The following CACNA1D variants were observed in gnomAD, a reference collection of about 807,000 sequenced individuals.
CACNA1D encodes the protein voltage-dependent L-type calcium channel subunit alpha-1D.
A neutral mutation model predicts 257.1 loss-of-function variants in CACNA1D; 55 were observed. The observed-to-expected ratio is 0.21, with a 90% CI of 0.17 to 0.27. CACNA1D has a LOEUF of 0.27. CACNA1D is among the 10% of genes least tolerant of loss of function. The probability of loss-of-function intolerance (pLI) is 1.00; values close to 1 mark genes in which losing one functional copy is unlikely to be tolerated. For missense variants in CACNA1D, 1,876 were observed against 2,784.0 expected (o/e 0.67, Z 7.34); for synonymous variants, 980 against 1,014.9 (o/e 0.97, Z 0.65).
chr3:53,628,439 AC>A (rs2093784535), intron 3 of CACNA1D, among the ~76,000 whole-genome samples: 1 of 152,176 alleles, frequency 6.6e-6, no homozygotes, highest in Admixed American at 6.5e-5. Context: ...GTACTCCCTA[AC>A]CCAATTCTAA....
chr3:53,737,041 G>A (rs2095064494), intron 20 of CACNA1D, among the ~76,000 whole-genome samples: 1 of 152,076 alleles, frequency 6.6e-6, no homozygotes, highest in African/African-American at 2.4e-5. Flanking sequence ...TGGCTCACCT[G>A]TAATCCCAGC....
intron 26 of CACNA1D, among the ~76,000 whole-genome samples, chr3:53,747,841 A>C (rs2095186329): frequency 6.6e-6 from 1 of 152,060 alleles, no homozygotes. Context: ...AGTTGCGGAC[A>C]GTTGCTGTTA....
rs61400948 is a variant in CACNA1D at position 53,685,634 on chromosome 3, A to G, written c.1220+12508A>G. Among the ~76,000 whole-genome samples, 1,119 of 152,302 alleles carry G rather than the reference A, an allele frequency of 7.3e-3. 13 individuals are homozygous for G. Among genetic ancestry groups the G allele is most frequent in the African/African-American group, 0.025 (1,059 of 41,568 alleles). On this transcript the variant is annotated intron_variant, in intron 8 of 47. Coordinates refer to ENST00000350061, the MANE Select transcript of CACNA1D (RefSeq NM_001128840.3). ...TACAAAGTATCTTTGTTCTAATGGCAGTAGATTTAAAACAGAAGCCAATAA... is the reference window on the plus strand; with the variant it reads ...TACAAAGTATCTTTGTTCTAATGGCGGTAGATTTAAAACAGAAGCCAATAA...
rs552032854 is a variant in CACNA1D at position 53,550,507 on chromosome 3, T to C, written c.483+48787T>C. Among the ~76,000 whole-genome samples the C allele has an allele frequency of 6.6e-5, 10 of 152,374 alleles. No homozygotes were observed. In the East Asian group the frequency reaches 1.7e-3, roughly 26 times the overall value. ...TAAGTGGGTCAGGCACCATGTGACC[T>C]GCTCACTGCCAGTTTCTTCTTTGAA... On this transcript the variant is annotated intron_variant, in intron 3 of 47. Transcript: ENST00000350061.
At chr3:53,656,418 T>C (rs2094148123) in intron 4 of CACNA1D, among the ~76,000 whole-genome samples, 1 of 152,250 alleles carries the variant, frequency 6.6e-6, no homozygotes, top group Non-Finnish European at 1.5e-5. Context: ...GAGCATGGTA[T>C]GTTTTTCCAT....
chr3:53,571,390 A>G (rs3821849), intron 3 of CACNA1D, among the ~76,000 whole-genome samples: 1 of 152,218 alleles, frequency 6.6e-6, no homozygotes, highest in South Asian at 2.1e-4. Context: ...AAATACTTAG[A>G]CTGTGCCTTG....
intron 19 of CACNA1D, among the ~76,000 whole-genome samples, chr3:53,734,392 A>G (rs1390313648): frequency 6.6e-6 from 1 of 151,990 alleles, no homozygotes; most frequent in Non-Finnish European, 1.5e-5. Context: ...ATATACACAC[A>G]TATACTTTAC....
intron 8 of CACNA1D, among the ~76,000 whole-genome samples, chr3:53,676,180 C>T (rs1224965739): frequency 6.6e-6 from 1 of 152,110 alleles, no homozygotes; most frequent in Non-Finnish European, 1.5e-5. Context: ...GGTGCAGACC[C>T]AGAGGCTCTG....
At chr3:53,777,422 T>A (rs1196667428) in intron 37 of CACNA1D, among the ~76,000 whole-genome samples, 2 of 152,126 alleles carry the variant, frequency 1.3e-5, no homozygotes, top group Non-Finnish European at 2.9e-5. Flanking sequence ...GGTTCCCATG[T>A]TAGGAAGTTG....
intron 4 of CACNA1D, among the ~76,000 whole-genome samples, chr3:53,652,796 T>C (rs553977283): frequency 5.3e-5 from 8 of 152,332 alleles, no homozygotes; most frequent in Non-Finnish European, 1.0e-4. Flanking sequence ...GCCACACTCA[T>C]TTGTTTACAT....
At chr3:53,754,593 G>T (rs189880155) in intron 29 of CACNA1D, among the ~76,000 whole-genome samples, 3 of 152,208 alleles carry the variant, frequency 2.0e-5, no homozygotes. Context: ...GTTCCTACCC[G>T]CACCACCACC....
chr3:53,797,341 C>G (rs1218437611), intron 40 of CACNA1D, among the ~76,000 whole-genome samples: 1 of 152,154 alleles, frequency 6.6e-6, no homozygotes, highest in Admixed American at 6.5e-5. Flanking sequence ...ACAGCCTGAC[C>G]TGGCCCTACC....
chr3:53,570,234 T>G (rs2092919682), intron 3 of CACNA1D, among the ~76,000 whole-genome samples: 1 of 152,222 alleles, frequency 6.6e-6, no homozygotes. Flanking sequence ...CAGTGAAACT[T>G]AACGACAGTG....
At chr3:53,705,870 A>G (rs949612634) in intron 9 of CACNA1D, among the ~76,000 whole-genome samples, 8 of 152,238 alleles carry the variant, frequency 5.3e-5, no homozygotes, top group African/African-American at 7.2e-5. Context: ...TTCCTGTCAC[A>G]GCCAGAAAAC....
chr3:53,633,914 A>G (rs1445206033), intron 3 of CACNA1D, among the ~76,000 whole-genome samples: 1 of 152,248 alleles, frequency 6.6e-6, no homozygotes, highest in Admixed American at 6.5e-5. Context: ...CTGATTCACC[A>G]ACATTACTGT....
intron 40 of CACNA1D, among the ~76,000 whole-genome samples, chr3:53,798,768 T>C (rs903603109): frequency 6.6e-5 from 10 of 152,198 alleles, no homozygotes; most frequent in African/African-American, 2.2e-4. Flanking sequence ...AGCACTGGCA[T>C]TGGCAACTGC....
intron 3 of CACNA1D, among the ~76,000 whole-genome samples, chr3:53,603,399 C>T (rs1262639050): frequency 1.3e-5 from 2 of 152,122 alleles, no homozygotes; most frequent in East Asian, 1.9e-4. Context: ...CTTTGTGCCT[C>T]GGATTTCTCA....
chr3:53,636,213 CT>C (rs1406268034), intron 3 of CACNA1D, among the ~76,000 whole-genome samples: 1 of 151,508 alleles, frequency 6.6e-6, no homozygotes, highest in Non-Finnish European at 1.5e-5. Flanking sequence ...TGTTTTTCAA[CT>C]TTTTTTTTAA....
At chr3:53,507,094 C>CA (rs1345788386) in intron 3 of CACNA1D, among the ~76,000 whole-genome samples, 11 of 102,678 alleles carry the variant, frequency 1.1e-4, no homozygotes, top group East Asian at 3.2e-4. Context: ...AAAAAAAAAA[C>CA]AAAAAAATGT....
Sources: gnomAD v4.1 joint callset for allele counts (sites outside exome capture counted in the v4.1 genomes callset) on GRCh38, gnomAD v4.1.1 for gene constraint, MANE v1.5 for transcripts, NCBI Gene and HGNC (gene_info 2026-07-23, HGNC 2026-07-21) for gene names.